GLRB: variants seen among roughly 807,000 people sequenced by gnomAD.
GLRB encodes the protein glycine receptor subunit beta.
A neutral mutation model predicts 54.2 loss-of-function variants in GLRB; 33 were observed. That is an observed-to-expected ratio of 0.61 (90% CI 0.46 to 0.81). The LOEUF (loss-of-function observed/expected upper bound fraction) is 0.81, where lower values mean the gene tolerates loss of function less well. Among genes scored for constraint, GLRB ranks in the 40% least tolerant of loss-of-function variants. The pLI is 0.00. For missense variants in GLRB, 572 were observed against 584.6 expected (o/e 0.98, Z 0.22); for synonymous variants, 209 against 208.2 (o/e 1.00, Z -0.03).
At chr4:157,088,188 T>A (rs1303784190) in intron 2 of GLRB, among the ~76,000 whole-genome samples, 1 of 152,190 alleles carries the variant, frequency 6.6e-6, no homozygotes, top group Non-Finnish European at 1.5e-5. Context: ...GCTCCTGGGC[T>A]GATTGCTGAG....
Position 157,170,793 on chromosome 4 carries a change from C to T in GLRB, c.*65C>T, listed in dbSNP as rs572188454. 2.6e-4 allele frequency: 241 copies of T among 924,240 alleles called. 2 individuals are homozygous for T. The South Asian group carries it at 4.5e-3, about 17-fold the overall frequency. 57.3% of individuals were successfully genotyped at this position (924,240 alleles called of 1,614,324 possible). ...TTGTGACCTACTCCTTTCATAAATG[C>T]CAATCTGTGAGAACTTTTGAATTTT... On this transcript the variant is annotated 3_prime_UTR_variant, in exon 10 of 10. Coordinates refer to ENST00000264428, the MANE Select transcript of GLRB (RefSeq NM_000824.5).
chr4:157,094,906 C>T (rs1734748600), intron 2 of GLRB, among the ~76,000 whole-genome samples: 1 of 152,106 alleles, frequency 6.6e-6, no homozygotes, highest in Non-Finnish European at 1.5e-5. Flanking sequence ...AAAATACGTA[C>T]AAGAATGTTT....
chr4:157,149,600 T>C (rs533511856), intron 8 of GLRB, among the ~76,000 whole-genome samples: 3 of 152,100 alleles, frequency 2.0e-5, no homozygotes, highest in Non-Finnish European at 1.5e-5. Flanking sequence ...TATGAAATGA[T>C]AATATGCTAA....
chr4:157,090,682 G>A lies in GLRB; in HGVS notation c.122+12536G>A, dbSNP rs115239352. On this transcript the variant is annotated intron_variant, in intron 2 of 9. Transcript: ENST00000264428. ...ACTAGTCTGTCTTGCACTTTGAGTG[G>A]TTCTTTTGTCCAATTGTGATTGATT... Among the ~76,000 whole-genome samples the A allele has an allele frequency of 2.5e-3, 381 of 152,196 alleles. 1 individual carries two copies. The highest frequency in any genetic ancestry group is 3.4e-3 in the Middle Eastern group (1 of 294).
At chr4:157,076,982 G>GGC (rs1553991108) in intron 1 of GLRB, among the ~76,000 whole-genome samples, 4 of 104,250 alleles carry the variant, frequency 3.8e-5, no homozygotes, top group Non-Finnish European at 6.1e-5. Context: ...TGGGGGGGGG[G>GGC]GGGGAAGATG....
rs74803960 is a variant in GLRB at position 157,094,367 on chromosome 4, A to G, written c.122+16221A>G. Among the ~76,000 whole-genome samples the G allele has an allele frequency of 7.8e-3, 1,185 of 152,314 alleles. 21 individuals carry two copies. The East Asian group carries it at 0.1, about 13-fold the overall frequency. On this transcript the variant is annotated intron_variant, in intron 2 of 9. Coordinates refer to ENST00000264428, the MANE Select transcript of GLRB (RefSeq NM_000824.5). The stretch of plus-strand genomic sequence containing the variant: ...CTGTAAGATTCATTCACAGTGTTAT[A>G]TGTAACATCAGTTCATTCATTGTCT...
chr4:157,088,086 A>AC, intron 2 of GLRB, among the ~76,000 whole-genome samples: 1 of 152,314 alleles, frequency 6.6e-6, no homozygotes, highest in Non-Finnish European at 1.5e-5. Flanking sequence ...ACAGTGAAGC[A>AC]CTTATTAAAT....
intron 9 of GLRB, among the ~76,000 whole-genome samples, chr4:157,162,542 T>C (rs897137744): frequency 6.6e-6 from 1 of 152,216 alleles, no homozygotes; most frequent in African/African-American, 2.4e-5. Context: ...TTCTGTTTGT[T>C]AGTTTTCCAA....
intron 2 of GLRB, among the ~76,000 whole-genome samples, chr4:157,087,545 G>A (rs930194855): frequency 1.3e-5 from 2 of 152,004 alleles, no homozygotes; most frequent in Admixed American, 1.3e-4. Flanking sequence ...TGTTTTGTTG[G>A]TGCTTTTTGT....
rs1224910349 is a variant in GLRB, at chr4:157,142,221, G to A, written c.752-1586G>A. Among the ~76,000 whole-genome samples the A allele has an allele frequency of 3.3e-5, 5 of 151,872 alleles. No individual in the cohort carries two copies. In the South Asian group the frequency reaches 8.3e-4, roughly 25 times the overall value. ...AGGCAGAGAGTTAAGGGGAATGGTG[G>A]GAAAAGAAAAGAAAGGGAGATTTTT... On this transcript the variant is annotated intron_variant, in intron 7 of 9. Transcript: ENST00000264428.
chr4:157,107,110 A>G (rs1361888291), intron 2 of GLRB, among the ~76,000 whole-genome samples: 4 of 152,096 alleles, frequency 2.6e-5, no homozygotes, highest in Non-Finnish European at 4.4e-5. Context: ...TCATGCCCAC[A>G]TAAGAGTGCA....
At chr4:157,165,986 G>A (rs1737693663) in intron 9 of GLRB, among the ~76,000 whole-genome samples, 1 of 151,908 alleles carries the variant, frequency 6.6e-6, no homozygotes, top group South Asian at 2.1e-4. Flanking sequence ...TGCCATTATT[G>A]ACATGAAATC....
intron 2 of GLRB, among the ~76,000 whole-genome samples, chr4:157,118,906 C>T (rs1232398674): frequency 6.6e-6 from 1 of 151,512 alleles, no homozygotes. Flanking sequence ...GAGTTTTGCT[C>T]TTCCTTGTGA....
At chr4:157,089,068 G>T (rs1258892769) in intron 2 of GLRB, among the ~76,000 whole-genome samples, 1 of 152,104 alleles carries the variant, frequency 6.6e-6, no homozygotes, top group Non-Finnish European at 1.5e-5. Flanking sequence ...ATTCTATTAA[G>T]ACTGACTCCT....
chr4:157,160,174 G>A (rs1737419698), intron 9 of GLRB, among the ~76,000 whole-genome samples: 1 of 152,058 alleles, frequency 6.6e-6, no homozygotes, highest in South Asian at 2.1e-4. Flanking sequence ...GGGATCGGTG[G>A]TGATATACCC....
At chr4:157,159,418 AAGGGAAT>A (rs1737376922) in intron 9 of GLRB, among the ~76,000 whole-genome samples, 2 of 152,178 alleles carry the variant, frequency 1.3e-5, no homozygotes, top group Admixed American at 1.3e-4. Flanking sequence ...CCAGTTTTCA[AAGGGAAT>A]GCTTCCAGTT....
chr4:157,157,150 T>C (rs945410728), intron 9 of GLRB, among the ~76,000 whole-genome samples: 1 of 152,128 alleles, frequency 6.6e-6, no homozygotes, highest in South Asian at 2.1e-4. Flanking sequence ...CAGGGCCCCC[T>C]GTGACATCAC....
intron 4 of GLRB, among the ~76,000 whole-genome samples, chr4:157,133,892 T>C (rs895657807): frequency 1.3e-5 from 2 of 152,042 alleles, no homozygotes; most frequent in African/African-American, 4.8e-5. Context: ...AGAAACACTA[T>C]TAAAATTCCT....
chr4:157,086,068 G>C (rs1050879491), intron 2 of GLRB, among the ~76,000 whole-genome samples: 1 of 152,134 alleles, frequency 6.6e-6, no homozygotes, highest in Non-Finnish European at 1.5e-5. Context: ...CTGGTGTCAA[G>C]TGGTCCTCCC....
Sources: allele counts gnomAD v4.1 joint callset (sites outside exome capture counted in the v4.1 genomes callset), GRCh38; gene constraint gnomAD v4.1.1; transcripts MANE v1.5; gene names NCBI Gene and HGNC (gene_info 2026-07-23, HGNC 2026-07-21).